Variants in TSPAN5 observed in about 807,000 individuals in gnomAD.
TSPAN5 encodes the protein tetraspanin 5, also known as tetraspanin-5.
A neutral mutation model predicts 37.1 loss-of-function variants in TSPAN5; 10 were observed. The observed-to-expected ratio is 0.27, with a 90% CI of 0.17 to 0.46. The LOEUF (loss-of-function observed/expected upper bound fraction) is 0.46. Ranked by LOEUF, TSPAN5 falls within the 20% of genes least tolerant of loss-of-function variation. The probability of loss-of-function intolerance (pLI) is 1.00; values close to 1 mark genes in which losing one functional copy is unlikely to be tolerated. For synonymous variants in TSPAN5, 110 were observed against 118.9 expected, an observed-to-expected ratio of 0.93 and a Z score of 0.48; for missense variants, 195 against 326.6, an observed-to-expected ratio of 0.60 and a Z score of 3.11.
intron 1 of TSPAN5, among the ~76,000 whole-genome samples, chr4:98,575,771 CAA>C (rs35433252): frequency 0.029 from 4,065 of 141,886 alleles, 59 homozygotes; most frequent in African/African-American, 0.039. Context: ...CCCCACCCCA[CAA>C]AAAAAAAAAA....
intron 2 of TSPAN5, among the ~76,000 whole-genome samples, chr4:98,487,138 G>C (rs1324883625): frequency 1.4e-5 from 2 of 141,428 alleles, no homozygotes; most frequent in Non-Finnish European, 3.0e-5. Context: ...GGGAGGAAGC[G>C]AGGAAGGGAG....
At chr4:98,529,693 G>T (rs564854381) in intron 1 of TSPAN5, among the ~76,000 whole-genome samples, 37 of 152,310 alleles carry the variant, frequency 2.4e-4, no homozygotes, top group South Asian at 2.1e-4. Context: ...AGGATGAGAA[G>T]ATCTATTGGC....
chr4:98,635,527 TCA>T (rs1391262602), intron 1 of TSPAN5, among the ~76,000 whole-genome samples: 2 of 152,206 alleles, frequency 1.3e-5, no homozygotes, highest in African/African-American at 4.8e-5. Context: ...CTTGTAAAAC[TCA>T]CAGTTTAATA....
At chr4:98,573,848 C>G (rs1367933860) in intron 1 of TSPAN5, among the ~76,000 whole-genome samples, 1 of 152,142 alleles carries the variant, frequency 6.6e-6, no homozygotes, top group African/African-American at 2.4e-5. Context: ...GCAGGGAACA[C>G]TGAAGCATTT....
intron 1 of TSPAN5, among the ~76,000 whole-genome samples, chr4:98,636,091 T>G (rs1756852280): frequency 6.6e-6 from 1 of 152,136 alleles, no homozygotes; most frequent in Admixed American, 6.5e-5. Flanking sequence ...CACCATACCT[T>G]TGATGGAAGG....
intron 1 of TSPAN5, among the ~76,000 whole-genome samples, chr4:98,625,773 C>T (rs370848048): frequency 3.7e-4 from 56 of 152,004 alleles, no homozygotes; most frequent in African/African-American, 1.2e-3. Flanking sequence ...CTGAAAACCA[C>T]GTTTAAAAGC....
chr4:98,592,346 G>A (rs1755656356), intron 1 of TSPAN5, among the ~76,000 whole-genome samples: 1 of 149,286 alleles, frequency 6.7e-6, no homozygotes, highest in Admixed American at 6.7e-5. Flanking sequence ...TTCAAAATGA[G>A]CCAGTATTCA....
intron 1 of TSPAN5, chr4:98,657,810 C>T: frequency 3.0e-6 from 1 of 338,978 alleles, no homozygotes; most frequent in South Asian, 2.7e-5. Flanking sequence ...TATATCCCAC[C>T]GAGAGCAAAT....
intron 1 of TSPAN5, among the ~76,000 whole-genome samples, chr4:98,606,325 T>C (rs79282090): frequency 0.021 from 3,274 of 152,308 alleles, 54 homozygotes; most frequent in Non-Finnish European, 0.038. Context: ...GGATCTGTAC[T>C]TTTCAAAAGA....
chr4:98,614,028 T>C (rs1756262532), intron 1 of TSPAN5, among the ~76,000 whole-genome samples: 1 of 152,156 alleles, frequency 6.6e-6, no homozygotes, highest in Non-Finnish European at 1.5e-5. Flanking sequence ...CTAGAGCCCT[T>C]CACTCTGAAA....
intron 2 of TSPAN5, among the ~76,000 whole-genome samples, chr4:98,498,529 A>G (rs1753267984): frequency 6.6e-6 from 1 of 152,164 alleles, no homozygotes. Context: ...ACCGCCGACA[A>G]AGGACATCTT....
chr4:98,624,433 A>T (rs1028062365), intron 1 of TSPAN5, among the ~76,000 whole-genome samples: 6 of 152,196 alleles, frequency 3.9e-5, no homozygotes. Flanking sequence ...CAGAGGAAAA[A>T]AAAATACGTA....
chr4:98,481,991 C>T lies in TSPAN5; in HGVS notation c.450+14G>A, dbSNP rs745422374. ...GAGAACTTTCAACTTGAAAACAAACCACTTTAAACTTACATATTCCTGGGT... is the reference window on the plus strand; with the variant it reads ...GAGAACTTTCAACTTGAAAACAAACTACTTTAAACTTACATATTCCTGGGT... On this transcript the variant is annotated intron_variant, in intron 4 of 7. Transcript: ENST00000305798. 8 of 1,611,554 alleles carry T rather than the reference C, an allele frequency of 5.0e-6. No homozygotes were observed. The African/African-American group carries it at 1.1e-4, about 22-fold the overall frequency.
chr4:98,619,778 G>A (rs1445918945), intron 1 of TSPAN5, among the ~76,000 whole-genome samples: 2 of 152,138 alleles, frequency 1.3e-5, no homozygotes, highest in South Asian at 2.1e-4. Flanking sequence ...CTGGAGGTGG[G>A]GAGGTCCAAA....
chr4:98,559,050 C>G (rs1230478447), intron 1 of TSPAN5, among the ~76,000 whole-genome samples: 2 of 152,286 alleles, frequency 1.3e-5, no homozygotes, highest in Non-Finnish European at 2.9e-5. Flanking sequence ...TTGCCTAAAA[C>G]CTGTACTGTC....
intron 1 of TSPAN5, among the ~76,000 whole-genome samples, chr4:98,649,311 A>T (rs908535234): frequency 6.6e-6 from 1 of 152,184 alleles, no homozygotes; most frequent in Non-Finnish European, 1.5e-5. Flanking sequence ...GAGGCCTAGG[A>T]TTGCTGGTAG....
rs1406633939 is a variant in TSPAN5, at chr4:98,493,672, T to A, written c.133-6788A>T. Among the ~76,000 whole-genome samples the A allele has an allele frequency of 2.0e-5, 3 of 152,172 alleles. No individual in the cohort carries two copies. In the East Asian group the frequency reaches 5.8e-4, roughly 29 times the overall value. On this transcript the variant is annotated intron_variant, in intron 2 of 7. Coordinates refer to ENST00000305798, the MANE Select transcript of TSPAN5 (RefSeq NM_005723.4). ...TTAAAATTTTATTAGTAAGAACTGA[T>A]ATAAATGAATATATTCATAAGAATT...
intron 1 of TSPAN5, among the ~76,000 whole-genome samples, chr4:98,544,780 T>C (rs6824330): frequency 0.059 from 8,987 of 152,238 alleles, 562 homozygotes; most frequent in African/African-American, 0.13. Context: ...TCTTTGAACA[T>C]AGCTATAATT....
intron 1 of TSPAN5, among the ~76,000 whole-genome samples, chr4:98,629,470 C>T (rs913966246): frequency 2.6e-5 from 4 of 152,326 alleles, no homozygotes; most frequent in Middle Eastern, 3.4e-3. Context: ...GCCTAAAATG[C>T]TGATAAATTA....
Sources: allele counts gnomAD v4.1 joint callset (sites outside exome capture counted in the v4.1 genomes callset), GRCh38; gene constraint gnomAD v4.1.1; transcripts MANE v1.5; gene names NCBI Gene and HGNC (gene_info 2026-07-23, HGNC 2026-07-21).